The following FGF13 variants were observed in gnomAD, a reference collection of about 807,000 sequenced individuals.
FGF13 encodes fibroblast growth factor 13, also known as fibroblast growth factor homologous factor 2.
FGF13 carries 2 observed loss-of-function variants against 19.5 expected under a neutral mutation model. The observed-to-expected ratio is 0.10, with a 90% CI of 0.04 to 0.32. The LOEUF (loss-of-function observed/expected upper bound fraction) is 0.32, where lower values mean the gene tolerates loss of function less well. Ranked by LOEUF, FGF13 falls within the 10% of genes least tolerant of loss-of-function variation. The probability of loss-of-function intolerance (pLI) is 1.00; values close to 1 mark genes in which losing one functional copy is unlikely to be tolerated. For missense variants in FGF13, 113 were observed against 192.7 expected, an observed-to-expected ratio of 0.59 and a Z score of 2.45; for synonymous variants, 72 against 76.9, an observed-to-expected ratio of 0.94 and a Z score of 0.33.
intron 1 of FGF13, among the ~76,000 whole-genome samples, chrX:139,188,416 G>A (rs778795677): frequency 1.8e-5 from 2 of 112,159 alleles, no homozygotes; most frequent in Non-Finnish European, 3.8e-5. Flanking sequence ...TAAAGAGGTT[G>A]GAGACAGTTC....
chrX:139,201,721 C>G (rs1423942523), intron 1 of FGF13, among the ~76,000 whole-genome samples: 1 of 112,262 alleles, frequency 8.9e-6, no homozygotes, highest in African/African-American at 3.2e-5. Flanking sequence ...GACCTTGTAC[C>G]TTTCATCTCT....
At chrX:139,174,943 G>A (rs751597845) in intron 1 of FGF13, among the ~76,000 whole-genome samples, 1 of 112,061 alleles carries the variant, frequency 8.9e-6, no homozygotes, top group Admixed American at 9.4e-5. Flanking sequence ...AAAGTCAGTG[G>A]TAGCTTGATA....
chrX:139,171,935 T>C (rs2084137001), intron 1 of FGF13, among the ~76,000 whole-genome samples: 1 of 112,266 alleles, frequency 8.9e-6, no homozygotes, highest in African/African-American at 3.2e-5. Context: ...TCCATTCTTC[T>C]ATGATTTTCC....
At chrX:138,938,873 C>T (rs2091744732) in intron 1 of FGF13, among the ~76,000 whole-genome samples, 1 of 111,217 alleles carries the variant, frequency 9.0e-6, no homozygotes, top group African/African-American at 3.3e-5. Context: ...AGGTACGTTT[C>T]TCATGCAGAG....
At chrX:139,008,672 C>A in intron 1 of FGF13, among the ~76,000 whole-genome samples, 1 of 112,016 alleles carries the variant, frequency 8.9e-6, no homozygotes, top group Non-Finnish European at 1.9e-5. Context: ...ATCAAGGGAC[C>A]ACCCCATGGG....
At chrX:138,805,397 T>A (rs2090858664) in intron 3 of FGF13, among the ~76,000 whole-genome samples, 1 of 111,862 alleles carries the variant, frequency 8.9e-6, no homozygotes, top group Non-Finnish European at 1.9e-5. Flanking sequence ...AGCACACCCA[T>A]ACTTTTAGGA....
At chrX:138,932,456 G>C (rs184041981) in intron 1 of FGF13, among the ~76,000 whole-genome samples, 2,190 of 106,784 alleles carry the variant, frequency 0.021, 69 homozygotes, top group African/African-American at 0.071. Context: ...GCACACGCCT[G>C]TAATCCCAGC....
intron 1 of FGF13, among the ~76,000 whole-genome samples, chrX:139,161,147 C>T (rs2084029586): frequency 8.9e-6 from 1 of 111,875 alleles, no homozygotes; most frequent in Non-Finnish European, 1.9e-5. Context: ...GCTTATCCAC[C>T]ACGATCAAGT....
At chrX:138,692,595 T>C (rs1304137800) in intron 3 of FGF13, among the ~76,000 whole-genome samples, 1 of 111,608 alleles carries the variant, frequency 9.0e-6, no homozygotes, top group African/African-American at 3.2e-5. Flanking sequence ...GTGTAGGTTA[T>C]GTATTTAAAA....
At chrX:138,881,687 G>C (rs2091425771) in intron 1 of FGF13, among the ~76,000 whole-genome samples, 2 of 111,609 alleles carry the variant, frequency 1.8e-5, no homozygotes, top group Admixed American at 9.6e-5. Context: ...TATCTGATTT[G>C]TTTGTATATA....
At chrX:138,709,686 T>C (rs917151158) in intron 1 of FGF13, among the ~76,000 whole-genome samples, 4 of 112,155 alleles carry the variant, frequency 3.6e-5, no homozygotes, top group African/African-American at 9.7e-5. Flanking sequence ...TAACCATAGA[T>C]CAATCAAGTG....
At position 138,885,281 on chromosome X, in the gene FGF13, C is replaced by A. The variant is rs113666605; in HGVS notation, c.-112-20631G>T. 6.6e-3 allele frequency among the ~76,000 whole-genome samples: 730 copies of A among 111,329 alleles called. 12 individuals are homozygous for A. Among genetic ancestry groups the A allele is most frequent in the African/African-American group, 0.023 (701 of 30,630 alleles). Reference sequence around the variant, plus strand: ...GAGAAGCTCAGGACCATGAATGGAACCATAGGATTGGTCTCACCTTGAGGC... The same window carrying A: ...GAGAAGCTCAGGACCATGAATGGAAACATAGGATTGGTCTCACCTTGAGGC... On this transcript the variant is annotated intron_variant, in intron 1 of 2. Coordinates refer to the FGF13 transcript ENST00000421460.
intron 3 of FGF13, among the ~76,000 whole-genome samples, chrX:138,765,196 GTAAT>G (rs890679130): frequency 2.7e-5 from 3 of 112,137 alleles, no homozygotes; most frequent in African/African-American, 9.7e-5. Context: ...AGTGAGAGAA[GTAAT>G]TATTAATAAA....
At chrX:138,973,465 T>C (rs780763748) in intron 1 of FGF13, among the ~76,000 whole-genome samples, 1 of 112,326 alleles carries the variant, frequency 8.9e-6, no homozygotes, top group Non-Finnish European at 1.9e-5. Context: ...GAATGTATAT[T>C]CTGGTGCTGT....
intron 1 of FGF13, among the ~76,000 whole-genome samples, chrX:138,873,123 T>G (rs2091367461): frequency 8.9e-6 from 1 of 111,781 alleles, no homozygotes; most frequent in Admixed American, 9.5e-5. Context: ...TTCATAGTAT[T>G]GGAGAAGCCT....
intron 3 of FGF13, among the ~76,000 whole-genome samples, chrX:138,818,648 C>T (rs2090978428): frequency 9.1e-6 from 1 of 110,103 alleles, no homozygotes. Flanking sequence ...CACAGCACCC[C>T]AGACTGTCAG....
chrX:139,148,751 C>A (rs996206136), intron 1 of FGF13, among the ~76,000 whole-genome samples: 1 of 111,405 alleles, frequency 9.0e-6, no homozygotes, highest in Non-Finnish European at 1.9e-5. Context: ...CATTTAGGAA[C>A]CTGCACTTGA....
At chrX:138,736,981 A>G (rs2090280442) in intron 1 of FGF13, among the ~76,000 whole-genome samples, 1 of 111,521 alleles carries the variant, frequency 9.0e-6, no homozygotes, top group Admixed American at 9.5e-5. Context: ...GAGCTAAATA[A>G]GGTAGGTTAA....
intron 3 of FGF13, among the ~76,000 whole-genome samples, chrX:138,818,692 G>A (rs1041082865): frequency 1.8e-5 from 2 of 111,094 alleles, no homozygotes; most frequent in Non-Finnish European, 3.8e-5. Context: ...TTCGGTATGT[G>A]CTGGCATCTC....
Sources: gnomAD v4.1 joint callset for allele counts (sites outside exome capture counted in the v4.1 genomes callset) on GRCh38, gnomAD v4.1.1 for gene constraint, MANE v1.5 for transcripts, NCBI Gene and HGNC (gene_info 2026-07-23, HGNC 2026-07-21) for gene names.